RIMS1: variants seen among roughly 807,000 people sequenced by gnomAD.
The protein encoded by RIMS1 is regulating synaptic membrane exocytosis protein 1.
RIMS1 carries 83 observed loss-of-function variants against 214.1 expected under a neutral mutation model. That is an observed-to-expected ratio of 0.39 (90% CI 0.32 to 0.47). The LOEUF is 0.47. RIMS1 is among the 20% of genes least tolerant of loss of function. RIMS1 has a pLI of 0.99. For synonymous variants in RIMS1, 793 were observed against 786.8 expected (o/e 1.01, Z -0.13); for missense variants, 2,050 against 2,161.8 (o/e 0.95, Z 1.03).
At chr6:72,234,896 G>T (rs764002634) in intron 7 of RIMS1, among the ~76,000 whole-genome samples, 12 of 151,984 alleles carry the variant, frequency 7.9e-5, no homozygotes, top group Non-Finnish European at 1.5e-4. Flanking sequence ...TTTGTGGTTT[G>T]ATAATGCTTT....
At chr6:72,199,508 G>A (rs987448485) in intron 6 of RIMS1, among the ~76,000 whole-genome samples, 1 of 151,932 alleles carries the variant, frequency 6.6e-6, no homozygotes, top group Non-Finnish European at 1.5e-5. Context: ...ACTTAAAAAT[G>A]TCAACACAAT....
intron 29 of RIMS1, among the ~76,000 whole-genome samples, chr6:72,338,515 C>T (rs2096926820): frequency 6.6e-6 from 1 of 151,940 alleles, no homozygotes; most frequent in Non-Finnish European, 1.5e-5. Flanking sequence ...AAGAAACCAC[C>T]ATCAGAGTGA....
chr6:72,034,821 G>T (rs902654658), intron 2 of RIMS1, among the ~76,000 whole-genome samples: 3 of 151,996 alleles, frequency 2.0e-5, no homozygotes, highest in Admixed American at 1.3e-4. Context: ...TGTTATACAG[G>T]TATGTAAATA....
At chr6:72,126,515 C>G (rs1032329144) in intron 4 of RIMS1, among the ~76,000 whole-genome samples, 2 of 151,820 alleles carry the variant, frequency 1.3e-5, no homozygotes, top group African/African-American at 4.8e-5. Context: ...GCTTCACAAA[C>G]TATGCATTCA....
At chr6:72,196,385 A>G (rs62407478) in intron 6 of RIMS1, among the ~76,000 whole-genome samples, 3,068 of 53,576 alleles carry the variant, frequency 0.057, 50 homozygotes, top group Middle Eastern at 0.12. Flanking sequence ...CTGTCTATCT[A>G]TCTATCTATC....
Position 72,313,548 on chromosome 6 carries a change from T to C in RIMS1, c.4006T>C (p.Ser1336Pro). The change falls in exon 28 of 34, where the codon TCT becomes CCT. Residue 1336 changes from serine to proline, a missense_variant. Ser to Pro is a moderately conservative substitution (Grantham distance 74, BLOSUM62 -1). Around this residue, in one of 6 missense-constraint regions of RIMS1, gnomAD observed 889 missense variants for 885.5 expected, o/e 1.00. Coordinates refer to ENST00000521978, the MANE Select transcript of RIMS1 (RefSeq NM_014989.7). ...KDQYRSCDNV[S>P]AKSSDSDVSD... is the part of the protein sequence containing the mutation. ...TCAGTACAGAAGCTGTGATAACGTC[T>C]CTGCCAAATCATCAGATAGTGATGT... 2 of 1,613,830 alleles carry C rather than the reference T, an allele frequency of 1.2e-6. No homozygotes were observed. The highest frequency in any genetic ancestry group is 8.5e-7 in the Non-Finnish European group (1 of 1,179,820).
intron 6 of RIMS1, among the ~76,000 whole-genome samples, chr6:72,223,898 A>T (rs370305890): frequency 2.0e-5 from 3 of 147,774 alleles, no homozygotes; most frequent in South Asian, 2.2e-4. Flanking sequence ...CAGTGAGCCG[A>T]GATCGCGCCA....
intron 4 of RIMS1, chr6:72,175,299 C>A: frequency 4.0e-6 from 1 of 248,150 alleles, no homozygotes. Context: ...TTTTCTAAAC[C>A]TTCATGCTTA....
rs185069362 is a variant in RIMS1, at chr6:72,182,413, G to A, written c.942G>A (p.Arg314=). The A allele has an allele frequency of 3.4e-4, 547 of 1,613,956 alleles. 5 individuals are homozygous for A. In the East Asian group the frequency reaches 0.012, roughly 35 times the overall value. ...AAGAACGGGAGCGCAAAGAAAGGCG[G>A]GAAAGCCGAAGGCTTGAGAAAGGGC... The part of the protein sequence containing the change: ...AVEERERKER[R]ESRRLEKGRS... Residue 314 remains arginine, a synonymous_variant, in exon 6 of 34, where the codon CGG becomes CGA. Transcript: ENST00000521978.
At chr6:71,911,679 C>T (rs1182203409) in intron 1 of RIMS1, among the ~76,000 whole-genome samples, 1 of 152,126 alleles carries the variant, frequency 6.6e-6, no homozygotes, top group African/African-American at 2.4e-5. Flanking sequence ...AAGCTTTGAA[C>T]ATGCAAAAGT....
At chr6:72,309,966 A>G (rs2095428563) in intron 27 of RIMS1, among the ~76,000 whole-genome samples, 1 of 151,912 alleles carries the variant, frequency 6.6e-6, no homozygotes, top group African/African-American at 2.4e-5. Flanking sequence ...TATCTTTTTC[A>G]TTTTTATTCT....
intron 4 of RIMS1, among the ~76,000 whole-genome samples, chr6:72,126,150 C>T (rs920133635): frequency 1.1e-4 from 13 of 114,014 alleles, no homozygotes; most frequent in African/African-American, 4.4e-4. Flanking sequence ...TTTAATAAAG[C>T]ATACAAGAAC....
chr6:72,217,807 G>C (rs2056827054), intron 6 of RIMS1, among the ~76,000 whole-genome samples: 1 of 152,100 alleles, frequency 6.6e-6, no homozygotes, highest in African/African-American at 2.4e-5. Context: ...TTCAGATGAG[G>C]GGAACAGAGA....
intron 22 of RIMS1, among the ~76,000 whole-genome samples, chr6:72,270,463 C>T (rs1399171659): frequency 1.3e-5 from 2 of 152,028 alleles, no homozygotes; most frequent in African/African-American, 4.8e-5. Flanking sequence ...CTTGGTAAAT[C>T]GTTCATTTGG....
At chr6:72,337,073 T>G (rs1220687604) in intron 29 of RIMS1, among the ~76,000 whole-genome samples, 1 of 151,852 alleles carries the variant, frequency 6.6e-6, no homozygotes, top group Non-Finnish European at 1.5e-5. Context: ...TTTCAGCCCT[T>G]ACTTTCAATA....
At chr6:71,942,788 T>G (rs1786566891) in intron 1 of RIMS1, among the ~76,000 whole-genome samples, 3 of 152,064 alleles carry the variant, frequency 2.0e-5, no homozygotes, top group Non-Finnish European at 4.4e-5. Context: ...AAATTATAAT[T>G]TTTTCTGAAT....
intron 1 of RIMS1, among the ~76,000 whole-genome samples, chr6:71,939,068 C>A: frequency 6.6e-6 from 1 of 152,194 alleles, no homozygotes; most frequent in Non-Finnish European, 1.5e-5. Flanking sequence ...TATCAGATAT[C>A]CTAATTTATC....
chr6:71,981,245 T>G (rs1798402025), intron 2 of RIMS1, among the ~76,000 whole-genome samples: 1 of 152,132 alleles, frequency 6.6e-6, no homozygotes, highest in South Asian at 2.1e-4. Context: ...TCATGAAACT[T>G]TATAAAGTAT....
intron 4 of RIMS1, among the ~76,000 whole-genome samples, chr6:72,134,250 A>G (rs888147618): frequency 2.6e-5 from 4 of 151,988 alleles, no homozygotes; most frequent in Non-Finnish European, 5.9e-5. Flanking sequence ...CCTTACCTTC[A>G]TACAGAAAAA....
Sources: gnomAD v4.1 joint callset for allele counts (sites outside exome capture counted in the v4.1 genomes callset) on GRCh38, gnomAD v4.1.1 for gene constraint, gnomAD v4.1.1 regional missense constraint, MANE v1.5 for transcripts, NCBI Gene and HGNC (gene_info 2026-07-23, HGNC 2026-07-21) for gene names.